The following DLG2 variants were observed in gnomAD, a reference collection of about 807,000 sequenced individuals.
DLG2 encodes the protein discs large MAGUK scaffold protein 2.
DLG2 carries 45 observed loss-of-function variants against 132.5 expected under a neutral mutation model. The observed-to-expected ratio is 0.34, with a 90% CI of 0.27 to 0.44. The LOEUF (loss-of-function observed/expected upper bound fraction) is 0.44, where lower values mean the gene tolerates loss of function less well. DLG2 is among the 20% of genes least tolerant of loss of function. The pLI is 1.00. For synonymous variants in DLG2, 424 were observed against 419.6 expected, an observed-to-expected ratio of 1.01 and a Z score of -0.13; for missense variants, 1,045 against 1,196.9, an observed-to-expected ratio of 0.87 and a Z score of 1.87.
chr11:85,415,657 T>C (rs1299169454), intron 3 of DLG2, among the ~76,000 whole-genome samples: 1 of 152,186 alleles, frequency 6.6e-6, no homozygotes, highest in Non-Finnish European at 1.5e-5. Flanking sequence ...TTAAATGTCT[T>C]CTTTTGAGGG....
intron 7 of DLG2, among the ~76,000 whole-genome samples, chr11:84,323,028 GT>G (rs199752955): frequency 1.7e-4 from 25 of 148,974 alleles, no homozygotes; most frequent in East Asian, 5.9e-4. Flanking sequence ...ATTTTCTTTA[GT>G]TTTTTTTTTA....
intron 3 of DLG2, among the ~76,000 whole-genome samples, chr11:85,346,218 C>G (rs539427407): frequency 6.6e-6 from 1 of 151,038 alleles, no homozygotes; most frequent in Non-Finnish European, 1.5e-5. Flanking sequence ...GACAGAGTCT[C>G]GTTCTGTTGC....
At chr11:84,685,494 T>C (rs555446777) in intron 6 of DLG2, among the ~76,000 whole-genome samples, 17 of 152,288 alleles carry the variant, frequency 1.1e-4, no homozygotes, top group African/African-American at 3.1e-4. Flanking sequence ...CCAGATCCAA[T>C]AGGTAATCAA....
chr11:84,761,121 G>C (rs1252813456), intron 6 of DLG2, among the ~76,000 whole-genome samples: 1 of 152,166 alleles, frequency 6.6e-6, no homozygotes, highest in African/African-American at 2.4e-5. Context: ...AAATGGGAAA[G>C]CTGAAACAGC....
chr11:84,931,413 C>A (rs2048075389), intron 6 of DLG2, among the ~76,000 whole-genome samples: 1 of 152,112 alleles, frequency 6.6e-6, no homozygotes, highest in Non-Finnish European at 1.5e-5. Context: ...TGAGAGCATG[C>A]AGTATTTGCT....
chr11:84,277,307 G>A (rs2097791912), intron 7 of DLG2, among the ~76,000 whole-genome samples: 4 of 152,058 alleles, frequency 2.6e-5, no homozygotes, highest in Non-Finnish European at 4.4e-5. Flanking sequence ...TATTTACCAA[G>A]ATAGAACATA....
chr11:83,728,521 G>A (rs1452069212), intron 18 of DLG2, among the ~76,000 whole-genome samples: 2 of 152,132 alleles, frequency 1.3e-5, no homozygotes, highest in African/African-American at 4.8e-5. Flanking sequence ...TATTCCCATA[G>A]CATTTCCTAT....
At chr11:85,043,723 A>ATT in intron 6 of DLG2, among the ~76,000 whole-genome samples, 1 of 151,954 alleles carries the variant, frequency 6.6e-6, no homozygotes, top group African/African-American at 2.4e-5. Context: ...CTTTAAAATA[A>ATT]CTTTTAAAAT....
At chr11:83,642,890 T>A (rs1303577570) in intron 18 of DLG2, among the ~76,000 whole-genome samples, 1 of 152,122 alleles carries the variant, frequency 6.6e-6, no homozygotes, top group Non-Finnish European at 1.5e-5. Flanking sequence ...AGTTACCTGA[T>A]CAGATTTTTT....
intron 2 of DLG2, among the ~76,000 whole-genome samples, chr11:85,615,656 CAGACCTGA>C (rs1201670018): frequency 6.6e-6 from 1 of 152,080 alleles, no homozygotes; most frequent in African/African-American, 2.4e-5. Flanking sequence ...AGACTTAAAG[CAGACCTGA>C]AGACTGCAAT....
intron 18 of DLG2, among the ~76,000 whole-genome samples, chr11:83,728,422 A>T (rs1040807351): frequency 6.6e-6 from 1 of 152,096 alleles, no homozygotes; most frequent in Non-Finnish European, 1.5e-5. Flanking sequence ...TTGTACACTC[A>T]CTTTATTCAT....
chr11:84,377,890 C>A (rs996332098), intron 7 of DLG2, among the ~76,000 whole-genome samples: 1 of 152,158 alleles, frequency 6.6e-6, no homozygotes, highest in African/African-American at 2.4e-5. Context: ...CATTCACAAT[C>A]ACCTAAACAG....
At chr11:84,733,227 C>A (rs1388276724) in intron 6 of DLG2, among the ~76,000 whole-genome samples, 1 of 152,182 alleles carries the variant, frequency 6.6e-6, no homozygotes, top group Non-Finnish European at 1.5e-5. Context: ...CTGACTTCCA[C>A]AATGGTTGAA....
chr11:85,546,857 G>C (rs1385829230), intron 3 of DLG2, among the ~76,000 whole-genome samples: 1 of 118,890 alleles, frequency 8.4e-6, no homozygotes, highest in East Asian at 2.3e-4. Context: ...CATTTGCTTG[G>C]TAAATATTTC....
chr11:84,891,941 G>C (rs958744700), intron 6 of DLG2, among the ~76,000 whole-genome samples: 2 of 152,092 alleles, frequency 1.3e-5, no homozygotes, highest in Non-Finnish European at 2.9e-5. Flanking sequence ...TTTTGTGGGT[G>C]TTTTCAAGTG....
intron 19 of DLG2, among the ~76,000 whole-genome samples, chr11:83,555,452 A>G (rs777103344): frequency 6.6e-6 from 1 of 152,216 alleles, no homozygotes; most frequent in Non-Finnish European, 1.5e-5. Flanking sequence ...TAGTGGGGAA[A>G]GGTAGTAATC....
At chr11:84,433,998 T>C (rs2098992872) in intron 7 of DLG2, among the ~76,000 whole-genome samples, 1 of 151,678 alleles carries the variant, frequency 6.6e-6, no homozygotes, top group Non-Finnish European at 1.5e-5. Flanking sequence ...CACACATGTG[T>C]TCCCAGCTAC....
intron 18 of DLG2, 56 bp downstream of exon 18, chr11:83,786,634 G>C: frequency 1.4e-6 from 2 of 1,438,016 alleles, no homozygotes; most frequent in South Asian, 2.3e-5. Context: ...TAGTAATGAG[G>C]GTACAGATCC....
chr11:85,427,875 G>A (rs1378942394), intron 3 of DLG2, among the ~76,000 whole-genome samples: 3 of 152,192 alleles, frequency 2.0e-5, no homozygotes, highest in Non-Finnish European at 4.4e-5. Context: ...CTGTATTCAG[G>A]AAACCCATCT....
Sources: allele counts gnomAD v4.1 joint callset (sites outside exome capture counted in the v4.1 genomes callset), GRCh38; gene constraint gnomAD v4.1.1; transcripts MANE v1.5; gene names NCBI Gene and HGNC (gene_info 2026-07-23, HGNC 2026-07-21).